USP22: variants seen among roughly 807,000 people sequenced by gnomAD.
USP22 encodes ubiquitin carboxyl-terminal hydrolase 22.
In USP22, 22 loss-of-function variants were observed where a neutral mutation model predicts 68.1. The ratio of observed to expected loss-of-function variants is 0.32; its 90% CI spans 0.23 to 0.46. The LOEUF is 0.46. USP22 is among the 20% of genes least tolerant of loss of function. The pLI, the probability that USP22 is intolerant of heterozygous loss-of-function variation, is 1.00. For synonymous variants in USP22, 279 were observed against 274.2 expected, an observed-to-expected ratio of 1.02 and a Z score of -0.17; for missense variants, 433 against 695.8, an observed-to-expected ratio of 0.62 and a Z score of 4.25.
rs1461192018 is a variant in USP22 at position 21,002,955 on chromosome 17, G to GT, written c.*75_*76insA. 1.3e-6 allele frequency: 2 copies of GT among 1,569,882 alleles called. No individual in the cohort carries two copies. The highest frequency in any genetic ancestry group is 1.7e-5 in the Admixed American group (1 of 59,232). The stretch of plus-strand genomic sequence containing the variant: ...GGAGGCGGCGGGAGACTTGGGGGAG[G>GT]GGGGGGCCAGGGAGGATCACTTTGT... On this transcript the variant is annotated 3_prime_UTR_variant, in exon 13 of 13. Coordinates refer to ENST00000261497, the MANE Select transcript of USP22 (RefSeq NM_015276.2).
chr17:21,022,265 G>A (rs914054111), intron 2 of USP22, among the ~76,000 whole-genome samples: 1 of 149,786 alleles, frequency 6.7e-6, no homozygotes, highest in South Asian at 2.3e-4. Flanking sequence ...CGTGTCGTTT[G>A]AACTTTCTAA....
chr17:21,034,398 G>C (rs183991350), intron 1 of USP22, among the ~76,000 whole-genome samples: 5 of 152,150 alleles, frequency 3.3e-5, no homozygotes, highest in Non-Finnish European at 5.9e-5. Context: ...AGGAAATTAC[G>C]TATGAAATAT....
intron 2 of USP22, among the ~76,000 whole-genome samples, chr17:21,027,299 A>AAAAAAAAAAT (rs1236459189): frequency 6.9e-6 from 1 of 144,224 alleles, no homozygotes; most frequent in Non-Finnish European, 1.6e-5. Flanking sequence ...CTCCAAAAAA[A>AAAAAAAAAAT]AAAAAAAAAA....
At chr17:21,009,334 AAATTCTGCCATCTT>A (rs1205330752) in intron 8 of USP22, among the ~76,000 whole-genome samples, 1 of 152,170 alleles carries the variant, frequency 6.6e-6, no homozygotes, top group Non-Finnish European at 1.5e-5. Context: ...TATGCTCTGG[AAATTCTGCCATCTT>A]AACTAGGGCA....
At chr17:21,019,034 T>G in intron 4 of USP22, 50 bp downstream of exon 4, 1 of 1,586,828 alleles carries the variant, frequency 6.3e-7, no homozygotes, top group South Asian at 1.1e-5. Flanking sequence ...GTATTTACTT[T>G]TAAACCCTGG....
chr17:21,015,365 T>C (rs1433117511), intron 6 of USP22, among the ~76,000 whole-genome samples: 3 of 151,962 alleles, frequency 2.0e-5, no homozygotes, highest in African/African-American at 7.3e-5. Context: ...AAGGAGACAG[T>C]TGGGTGATTA....
intron 4 of USP22, among the ~76,000 whole-genome samples, chr17:21,018,860 G>C (rs1211215108): frequency 6.6e-6 from 1 of 152,184 alleles, no homozygotes; most frequent in Non-Finnish European, 1.5e-5. Context: ...AGACGCTGAA[G>C]GCTGTGAGGG....
chr17:21,039,214 G>A (rs992590560), intron 1 of USP22, among the ~76,000 whole-genome samples: 10 of 151,392 alleles, frequency 6.6e-5, no homozygotes, highest in South Asian at 4.2e-4. Flanking sequence ...GCCTCCCAAC[G>A]TGCTGGGATT....
intron 1 of USP22, among the ~76,000 whole-genome samples, chr17:21,032,453 T>C (rs1286604055): frequency 6.6e-6 from 1 of 152,238 alleles, no homozygotes; most frequent in African/African-American, 2.4e-5. Context: ...TTCCAGTGTC[T>C]GGAGGAGGCC....
At chr17:21,016,219 G>A (rs1914127813) in intron 5 of USP22, among the ~76,000 whole-genome samples, 1 of 152,084 alleles carries the variant, frequency 6.6e-6, no homozygotes, top group Non-Finnish European at 1.5e-5. Context: ...TTTCCTCAAA[G>A]CACTAGCCAA....
chr17:21,007,182 C>G (rs1913808084), intron 9 of USP22, among the ~76,000 whole-genome samples, 195 bp from the exon 10 acceptor site: 1 of 152,198 alleles, frequency 6.6e-6, no homozygotes, highest in Non-Finnish European at 1.5e-5. Flanking sequence ...TTACAGGGTT[C>G]AAGTCTTCAA....
chr17:21,004,392 G>A (rs1015079043), intron 11 of USP22, 41 bp from the exon 12 acceptor site: 1 of 1,607,638 alleles, frequency 6.2e-7, no homozygotes, highest in Admixed American at 1.7e-5. Context: ...CAGGTGACTT[G>A]ATGCCGTCAC....
chr17:21,039,996 C>T (rs1313311527), intron 1 of USP22, among the ~76,000 whole-genome samples: 1 of 152,084 alleles, frequency 6.6e-6, no homozygotes, highest in African/African-American at 2.4e-5. Flanking sequence ...TCCAGGAGTT[C>T]AAGACCAGCC....
intron 5 of USP22, among the ~76,000 whole-genome samples, chr17:21,016,178 A>T (rs1187899848): frequency 6.6e-6 from 1 of 152,208 alleles, no homozygotes; most frequent in Non-Finnish European, 1.5e-5. Flanking sequence ...ATCACATGCA[A>T]ATAAAAGTGA....
At chr17:21,007,389 C>A (rs575529202) in intron 9 of USP22, among the ~76,000 whole-genome samples, 21 of 152,244 alleles carry the variant, frequency 1.4e-4, no homozygotes, top group African/African-American at 4.8e-4. Context: ...TAGGAATGGG[C>A]GTTTTCCATG....
At chr17:21,018,240 T>C (rs545028160) in intron 4 of USP22, 129 bp from the exon 5 acceptor site, 28 of 748,940 alleles carry the variant, frequency 3.7e-5, no homozygotes, top group African/African-American at 3.6e-4. Flanking sequence ...CAGAACACGA[T>C]GAGATATCGC....
chr17:21,028,733 G>C, intron 1 of USP22, 59 bp from the exon 2 acceptor site: 5 of 1,579,138 alleles, frequency 3.2e-6, no homozygotes, highest in South Asian at 1.1e-5. Flanking sequence ...GTGCTCAGAG[G>C]AAACAGTCAA....
At position 21,002,797 on chromosome 17, in the gene USP22, A is replaced by T. The variant is rs1913633632; in HGVS notation, c.*234T>A. 1.9e-6 allele frequency: 1 copy of T among 512,958 alleles called. No homozygotes were observed. Among genetic ancestry groups the T allele is most frequent in the Non-Finnish European group, 3.6e-6 (1 of 279,852 alleles). The allele number at this position is 512,958 out of a possible 1,614,324, so 31.8% of individuals were successfully genotyped here. On this transcript the variant is annotated 3_prime_UTR_variant, in exon 13 of 13. Transcript: ENST00000261497. ...CGGGTGTACGCTGCTCCTCCCACCCAGAGCACACCCCTCATCTCATCCATC... is the reference window on the plus strand; with the variant it reads ...CGGGTGTACGCTGCTCCTCCCACCCTGAGCACACCCCTCATCTCATCCATC...
upstream of USP22, chr17:21,043,369 C>A (rs144599404): frequency 0.037 from 10,486 of 284,298 alleles, 218 homozygotes; most frequent in Non-Finnish European, 0.05. Flanking sequence ...GGTACAGAGC[C>A]GCCTCCCGGG....
Sources: gnomAD v4.1 joint callset for allele counts (sites outside exome capture counted in the v4.1 genomes callset) on GRCh38, gnomAD v4.1.1 for gene constraint, MANE v1.5 for transcripts, NCBI Gene and HGNC (gene_info 2026-07-23, HGNC 2026-07-21) for gene names.